The following BBS9 variants were observed in gnomAD, a reference collection of about 807,000 sequenced individuals.
BBS9 encodes protein PTHB1.
BBS9 carries 89 observed loss-of-function variants against 117.7 expected under a neutral mutation model. The observed-to-expected ratio is 0.76, with a 90% CI of 0.64 to 0.90. BBS9 has a LOEUF of 0.90. BBS9 is among the 40% of genes least tolerant of loss of function. The pLI is 0.00. For missense variants in BBS9, 982 were observed against 1,042.2 expected (o/e 0.94, Z 0.80); for synonymous variants, 379 against 370.9 (o/e 1.02, Z -0.25).
intron 9 of BBS9, among the ~76,000 whole-genome samples, chr7:33,335,503 G>A (rs533917186): frequency 2.0e-5 from 3 of 152,252 alleles, no homozygotes; most frequent in Middle Eastern, 3.4e-3. Flanking sequence ...GGCTTATCAC[G>A]ATGTTGAATT....
chr7:33,470,480 A>C (rs559584419), intron 19 of BBS9, among the ~76,000 whole-genome samples: 2 of 151,670 alleles, frequency 1.3e-5, no homozygotes, highest in African/African-American at 4.8e-5. Context: ...CTTTTTTACC[A>C]CCCCTATTTA....
chr7:33,230,957 C>A (rs1359285652), intron 5 of BBS9, among the ~76,000 whole-genome samples: 3 of 152,062 alleles, frequency 2.0e-5, no homozygotes, highest in Admixed American at 2.0e-4. Flanking sequence ...ATTGCTGGGT[C>A]TTATGGTATA....
At chr7:33,450,324 G>A (rs113592947) in intron 19 of BBS9, among the ~76,000 whole-genome samples, 2 of 152,136 alleles carry the variant, frequency 1.3e-5, no homozygotes, top group South Asian at 2.1e-4. Context: ...GAATAATGCC[G>A]CAATGAACAT....
At chr7:33,527,469 G>C (rs1233771508) in intron 20 of BBS9, among the ~76,000 whole-genome samples, 1 of 152,136 alleles carries the variant, frequency 6.6e-6, no homozygotes, top group African/African-American at 2.4e-5. Context: ...TTTTTAAGCG[G>C]GTCTGAAAAG....
intron 5 of BBS9, among the ~76,000 whole-genome samples, chr7:33,216,350 C>T (rs1276019103): frequency 2.6e-5 from 4 of 152,156 alleles, no homozygotes; most frequent in Non-Finnish European, 5.9e-5. Context: ...CAAACCTAGG[C>T]CTCAGTCCTA....
intron 21 of BBS9, among the ~76,000 whole-genome samples, chr7:33,604,538 C>T (rs1295738959): frequency 6.6e-6 from 1 of 152,070 alleles, no homozygotes; most frequent in African/African-American, 2.4e-5. Context: ...GAATTCCTGC[C>T]GAGGGGCCTT....
chr7:33,375,835 C>T (rs1197790015), intron 17 of BBS9, among the ~76,000 whole-genome samples: 1 of 152,028 alleles, frequency 6.6e-6, no homozygotes, highest in Non-Finnish European at 1.5e-5. Flanking sequence ...AATCTGCCTT[C>T]CTTAGCTTCC....
intron 17 of BBS9, among the ~76,000 whole-genome samples, chr7:33,375,705 C>T (rs1429946288): frequency 2.6e-5 from 4 of 151,418 alleles, no homozygotes; most frequent in Non-Finnish European, 5.9e-5. Context: ...ATTCTCTTGC[C>T]TCAGCCTCCT....
intron 19 of BBS9, among the ~76,000 whole-genome samples, chr7:33,480,395 T>A (rs1842371008): frequency 6.6e-6 from 1 of 152,188 alleles, no homozygotes. Flanking sequence ...GAGAAAGACG[T>A]GTCCCCTAGA....
intron 21 of BBS9, among the ~76,000 whole-genome samples, chr7:33,559,216 A>G (rs1188675631): frequency 2.0e-5 from 3 of 152,226 alleles, no homozygotes; most frequent in Admixed American, 1.3e-4. Context: ...GTAGAAGACT[A>G]GGAATAAACA....
chr7:33,174,502 G>A (rs567318894), intron 4 of BBS9, among the ~76,000 whole-genome samples: 2 of 152,278 alleles, frequency 1.3e-5, no homozygotes, highest in South Asian at 2.1e-4. Context: ...TGAAAGAGGT[G>A]TACAGAAAAT....
At chr7:33,396,542 G>A (rs193216117) in intron 19 of BBS9, among the ~76,000 whole-genome samples, 5 of 152,190 alleles carry the variant, frequency 3.3e-5, no homozygotes, top group Admixed American at 1.3e-4. Flanking sequence ...TGAATGCATG[G>A]ATAGGAAGAA....
In BBS9 at chr7:33,176,579, A is replaced by T. The variant is rs185216031; in HGVS notation, c.329-899A>T. Among the ~76,000 whole-genome samples, 788 of 152,294 alleles carry T rather than the reference A, an allele frequency of 5.2e-3. 9 individuals are homozygous for T. The highest frequency in any genetic ancestry group is 0.018 in the African/African-American group (744 of 41,562). ...TTGGTAAATTCTTCTGGACAAACAAACCCAAAACAAATAAATGCTCCTATA... is the reference window on the plus strand; with the variant it reads ...TTGGTAAATTCTTCTGGACAAACAATCCCAAAACAAATAAATGCTCCTATA... On this transcript the variant is annotated intron_variant, in intron 4 of 22. Transcript: ENST00000242067.
At chr7:33,274,632 T>C (rs1306030041) in intron 9 of BBS9, among the ~76,000 whole-genome samples, 1 of 152,196 alleles carries the variant, frequency 6.6e-6, no homozygotes, top group Non-Finnish European at 1.5e-5. Flanking sequence ...AATACAACTT[T>C]CCATAAAGCT....
intron 9 of BBS9, among the ~76,000 whole-genome samples, chr7:33,324,923 T>C (rs1410172009): frequency 1.3e-5 from 2 of 152,174 alleles, no homozygotes; most frequent in Non-Finnish European, 2.9e-5. Context: ...TCCTTGCCTT[T>C]TGGAGTTTGA....
chr7:33,406,764 C>T (rs971469658), intron 19 of BBS9, among the ~76,000 whole-genome samples: 1 of 152,048 alleles, frequency 6.6e-6, no homozygotes, highest in Non-Finnish European at 1.5e-5. Flanking sequence ...ATATTGGCCC[C>T]CACTCTCTTC....
intron 9 of BBS9, among the ~76,000 whole-genome samples, chr7:33,304,494 C>T (rs998167523): frequency 4.6e-5 from 7 of 151,832 alleles, no homozygotes; most frequent in African/African-American, 1.7e-4. Context: ...AGCGCCTCTG[C>T]CTGGCCACCA....
intron 20 of BBS9, among the ~76,000 whole-genome samples, chr7:33,522,567 G>A (rs1321296400): frequency 6.6e-6 from 1 of 151,990 alleles, no homozygotes; most frequent in Admixed American, 6.6e-5. Flanking sequence ...GTCTGTTCAT[G>A]TCCTTTGCCC....
chr7:33,569,128 A>T (rs1312860884), intron 21 of BBS9, among the ~76,000 whole-genome samples: 1 of 152,216 alleles, frequency 6.6e-6, no homozygotes, highest in Non-Finnish European at 1.5e-5. Flanking sequence ...ATTGATATTG[A>T]TAACATATTT....
Sources: allele counts gnomAD v4.1 joint callset (sites outside exome capture counted in the v4.1 genomes callset), GRCh38; gene constraint gnomAD v4.1.1; transcripts MANE v1.5; gene names NCBI Gene and HGNC (gene_info 2026-07-23, HGNC 2026-07-21).